PHYKPL: variants seen among roughly 807,000 people sequenced by gnomAD.
PHYKPL encodes the protein 5-phosphohydroxy-L-lysine phospho-lyase.
Under a neutral mutation model 51.3 loss-of-function variants are expected in PHYKPL, and 42 were observed. The ratio of observed to expected loss-of-function variants is 0.82; its 90% CI spans 0.64 to 1.06. The LOEUF is 1.06. PHYKPL is among the 50% of genes least tolerant of loss of function. The pLI is 0.00. For synonymous variants in PHYKPL, 264 were observed against 236.0 expected (o/e 1.12, Z -1.09); for missense variants, 655 against 586.6 (o/e 1.12, Z -1.20).
intron 8 of PHYKPL, among the ~76,000 whole-genome samples, chr5:178,220,733 A>AC (rs60156920): frequency 0.74 from 109,168 of 146,852 alleles, 40,793 homozygotes; most frequent in African/African-American, 0.81. Context: ...AAAAAAAAAA[A>AC]AAAACAAAAA....
At chr5:178,222,737 C>T (rs758843042) in intron 7 of PHYKPL, 115 bp downstream of exon 7, 15 of 1,379,700 alleles carry the variant, frequency 1.1e-5, no homozygotes, top group Non-Finnish European at 1.5e-5. Flanking sequence ...TCTTTAAGGG[C>T]TTTGTCTCAA....
chr5:178,213,559 C>A (rs1460165833), intron 10 of PHYKPL, among the ~76,000 whole-genome samples: 2 of 152,366 alleles, frequency 1.3e-5, no homozygotes, highest in East Asian at 1.9e-4. Flanking sequence ...GGTTATCTTA[C>A]AATTCCAGTT....
intron 11 of PHYKPL, 32 bp downstream of exon 11, chr5:178,212,941 G>A (rs7719034): frequency 1.2e-6 from 2 of 1,612,160 alleles, no homozygotes; most frequent in Admixed American, 1.7e-5. Context: ...CTGAGTTCTA[G>A]AGATATGGCC....
chr5:178,207,691 C>CTTTTTTTTTT (rs34424574), downstream of PHYKPL, among the ~76,000 whole-genome samples: 3 of 78,756 alleles, frequency 3.8e-5, no homozygotes, highest in Non-Finnish European at 6.8e-5. Context: ...ACTTTGAGCA[C>CTTTTTTTTTT]TTTTTTTTTT....
chr5:178,231,625 G>T (rs766121641), intron 1 of PHYKPL, 102 bp from the exon 2 acceptor site: 1 of 651,782 alleles, frequency 1.5e-6, no homozygotes, highest in Non-Finnish European at 2.3e-6. Flanking sequence ...TTCTGGTGGC[G>T]GGGGGGAAAT....
chr5:178,228,413 G>T (rs975813856), intron 3 of PHYKPL: 2 of 639,780 alleles, frequency 3.1e-6, no homozygotes, highest in Non-Finnish European at 5.6e-6. Context: ...GATTGCTTTG[G>T]ATTTGGCAAC....
chr5:178,222,672 G>GC, intron 7 of PHYKPL, 92 bp from the exon 8 acceptor site: 1 of 1,434,962 alleles, frequency 7.0e-7, no homozygotes, highest in Non-Finnish European at 9.6e-7. Flanking sequence ...CCCTGGCTCT[G>GC]CCAGCAGTAA....
Position 178,225,493 on chromosome 5 carries a change from G to A in PHYKPL, c.339-64C>T, listed in dbSNP as rs1033472104. On this transcript the variant is annotated intron_variant, in intron 3 of 12. Transcript: ENST00000308158. ...TAAGAGCTTCCCAGAGAGAAATGCT[G>A]AGGGCAGGAGGACCCTTCCAGCAGC... The A allele has an allele frequency of 1.7e-5, 25 of 1,509,432 alleles. No individual in the cohort carries two copies. In the African/African-American group the frequency reaches 3.3e-4, roughly 20 times the overall value. 93.5% of individuals were successfully genotyped at this position (1,509,432 alleles called of 1,614,324 possible).
chr5:178,208,030 A>G (rs2113554941), downstream of PHYKPL, among the ~76,000 whole-genome samples: 1 of 152,214 alleles, frequency 6.6e-6, no homozygotes, highest in South Asian at 2.1e-4. Context: ...CCTTCCAAAG[A>G]TCTCCCAGGG....
At chr5:178,231,837 G>A in intron 1 of PHYKPL, 1 of 1,354,570 alleles carries the variant, frequency 7.4e-7, no homozygotes, top group Middle Eastern at 2.1e-4. Context: ...TGGCTGCCCC[G>A]TCCCATGGGG....
At chr5:178,230,785 G>A (rs951483896) in intron 2 of PHYKPL, 2 of 154,712 alleles carry the variant, frequency 1.3e-5, no homozygotes, top group Admixed American at 1.3e-4. Context: ...ACACCTTAAA[G>A]TGGGTACCTA....
Position 178,232,495 on chromosome 5 carries a change from A to G in PHYKPL, c.56T>C (p.Ile19Thr). 1 of 1,185,246 alleles carries G rather than the reference A, an allele frequency of 8.4e-7. No homozygotes were observed. Among genetic ancestry groups the G allele is most frequent in the Admixed American group, 5.0e-5 (1 of 19,972 alleles). The allele number at this position is 1,185,246 out of a possible 1,614,324, so 73.4% of individuals were successfully genotyped here. Residue 19 changes from isoleucine to threonine, a missense_variant, in exon 1 of 13, where the codon ATC (isoleucine) becomes ACC (threonine). By Grantham distance (89) the Ile-to-Thr change is moderately conservative. Transcript: ENST00000308158. ...CGCCCGCCCCCCGCCCGGGTACCTG[A>G]TGAGCCGTTGCCTCAGGGCCAGCGT... ...ADTLALRQRL[I>T]SSSCRLFFPE...
chr5:178,219,177 C>G (rs533817666), intron 8 of PHYKPL, among the ~76,000 whole-genome samples: 2 of 151,804 alleles, frequency 1.3e-5, no homozygotes, highest in Admixed American at 1.3e-4. Flanking sequence ...TGAAAAACAC[C>G]GTCTATAAAA....
Position 178,222,422 on chromosome 5 carries a change from G to A in PHYKPL, c.860C>T (p.Ala287Val), listed in dbSNP as rs1489993297. ...CACAGGCTGGGTTGCGGCCACGCAGGCAACAGGGTGGCCGTTGCCAATGGA... is the reference window on the plus strand; with the variant it reads ...CACAGGCTGGGTTGCGGCCACGCAGACAACAGGGTGGCCGTTGCCAATGGA... ...GKSIGNGHPV[A>V]CVAATQPVAR... is the part of the protein sequence containing the mutation. The change falls in exon 8 of 13, where the codon GCC (alanine) becomes GTC (valine). Residue 287 changes from alanine (A) to valine (V), a missense_variant. Physicochemically the swap from Ala to Val is moderately conservative, Grantham distance 64. Transcript: ENST00000308158. 1 of 1,614,256 alleles carries A rather than the reference G, an allele frequency of 6.2e-7. No individual in the cohort carries two copies. Among genetic ancestry groups the A allele is most frequent in the Non-Finnish European group, 8.5e-7 (1 of 1,180,050 alleles).
Position 178,231,752 on chromosome 5 carries a change from G to A in PHYKPL, c.60-229C>T, listed in dbSNP as rs1364348781. The A allele has an allele frequency of 4.7e-6, 7 of 1,501,766 alleles. No homozygotes were observed. The East Asian group carries it at 1.6e-4, about 35-fold the overall frequency. The allele number at this position is 1,501,766 out of a possible 1,614,324, so 93.0% of individuals were successfully genotyped here. A position where few individuals can be genotyped will look rare whatever the true frequency, so the allele number is the denominator to read the frequency against. On this transcript the variant is annotated intron_variant, in intron 1 of 12. Coordinates refer to ENST00000308158, the MANE Select transcript of PHYKPL (RefSeq NM_153373.4). Reference sequence around the variant, plus strand: ...CTGAAACTTCGGATTGTTTCTGAAAGCATTTTCAGCCTCTGTGGCCTCCTT... The same window carrying A: ...CTGAAACTTCGGATTGTTTCTGAAAACATTTTCAGCCTCTGTGGCCTCCTT...
At chr5:178,218,792 G>GT (rs1338623388) in intron 8 of PHYKPL, among the ~76,000 whole-genome samples, 1 of 152,182 alleles carries the variant, frequency 6.6e-6, no homozygotes, top group African/African-American at 2.4e-5. Context: ...TTATAGGTGA[G>GT]TTTTTACCTT....
At chr5:178,218,411 T>C (rs893529458) in intron 8 of PHYKPL, among the ~76,000 whole-genome samples, 3 of 152,156 alleles carry the variant, frequency 2.0e-5, no homozygotes, top group Non-Finnish European at 4.4e-5. Flanking sequence ...GTTGAAATCC[T>C]AACCTCCAAT....
chr5:178,209,363 T>TATC, intron 12 of PHYKPL: 1 of 1,614,074 alleles, frequency 6.2e-7, no homozygotes, highest in Non-Finnish European at 8.5e-7. Flanking sequence ...CAAAGAAGTC[T>TATC]ATCAGCAGCA....
intron 1 of PHYKPL, 112 bp from the exon 2 acceptor site, chr5:178,231,635 T>C (rs2127500760): frequency 6.2e-7 from 1 of 1,604,868 alleles, no homozygotes; most frequent in East Asian, 2.2e-5. Flanking sequence ...GGGGGGGAAA[T>C]GAGAGCTGGA....
Sources: gnomAD v4.1 joint callset for allele counts (sites outside exome capture counted in the v4.1 genomes callset) on GRCh38, gnomAD v4.1.1 for gene constraint, MANE v1.5 for transcripts, NCBI Gene and HGNC (gene_info 2026-07-23, HGNC 2026-07-21) for gene names.